The following PCNX1 variants were observed in gnomAD, a reference collection of about 807,000 sequenced individuals.
PCNX1 encodes pecanex 1.
A neutral mutation model predicts 242.2 loss-of-function variants in PCNX1; 78 were observed. That is an observed-to-expected ratio of 0.32 (90% confidence interval 0.27 to 0.39). The LOEUF is 0.39. Ranked by LOEUF, PCNX1 falls within the 10% of genes least tolerant of loss-of-function variation. PCNX1 has a pLI of 1.00. For missense variants in PCNX1, 2,581 were observed against 2,856.5 expected, an observed-to-expected ratio of 0.90 and a Z score of 2.20; for synonymous variants, 1,024 against 1,032.9, an observed-to-expected ratio of 0.99 and a Z score of 0.17.
intron 26 of PCNX1, among the ~76,000 whole-genome samples, chr14:71,070,074 AC>A (rs1164762418): frequency 2.0e-5 from 3 of 152,208 alleles, no homozygotes; most frequent in Non-Finnish European, 2.9e-5. Flanking sequence ...CAACATCTTC[AC>A]TTAGGAGTCA....
At chr14:70,910,928 A>C (rs542946960) in intron 1 of PCNX1, among the ~76,000 whole-genome samples, 1 of 152,322 alleles carries the variant, frequency 6.6e-6, no homozygotes, top group Admixed American at 6.5e-5. Context: ...GTAAGTAAAG[A>C]GGGACCCTGA....
At chr14:70,912,907 T>C (rs2055987621) in intron 1 of PCNX1, among the ~76,000 whole-genome samples, 1 of 152,210 alleles carries the variant, frequency 6.6e-6, no homozygotes, top group African/African-American at 2.4e-5. Flanking sequence ...CTCTTCCTTC[T>C]TGCTCTTTGC....
chr14:71,042,967 A>G (rs1471050734), intron 19 of PCNX1, among the ~76,000 whole-genome samples: 1 of 150,690 alleles, frequency 6.6e-6, no homozygotes, highest in Non-Finnish European at 1.5e-5. Flanking sequence ...GGACTCAATA[A>G]TTTCTTGTAG....
At chr14:71,036,022 A>G (rs2060521632) in intron 18 of PCNX1, 43 bp from the exon 19 acceptor site, 1 of 1,343,568 alleles carries the variant, frequency 7.4e-7, no homozygotes, top group South Asian at 1.3e-5. Flanking sequence ...AGATTTTTAA[A>G]AATTTTATGT....
chr14:71,026,401 G>A, intron 14 of PCNX1, 113 bp downstream of exon 14: 1 of 625,438 alleles, frequency 1.6e-6, no homozygotes, highest in African/African-American at 1.9e-5. Flanking sequence ...TTATTTTACT[G>A]TTATTATGTG....
intron 22 of PCNX1, 102 bp downstream of exon 22, chr14:71,048,086 TTAAG>T (rs1330215786): frequency 1.6e-5 from 12 of 756,428 alleles, no homozygotes; most frequent in African/African-American, 3.5e-5. Flanking sequence ...TTATTATTGT[TTAAG>T]TAATAACTCT....
At chr14:70,939,955 GT>G (rs891525316) in intron 1 of PCNX1, among the ~76,000 whole-genome samples, 1 of 151,082 alleles carries the variant, frequency 6.6e-6, no homozygotes. Flanking sequence ...TTGCAACCTT[GT>G]TTTTTTTGTT....
chr14:70,987,641 C>T (rs1434439998), intron 6 of PCNX1, among the ~76,000 whole-genome samples: 2 of 152,136 alleles, frequency 1.3e-5, no homozygotes. Flanking sequence ...TTAGATCACA[C>T]AGTTGTTTTG....
chr14:71,105,670 G>A (rs1022780344), intron 33 of PCNX1, among the ~76,000 whole-genome samples: 1 of 151,448 alleles, frequency 6.6e-6, no homozygotes, highest in Non-Finnish European at 1.5e-5. Context: ...AGCCTCCTGA[G>A]TAGCTGGGAC....
At chr14:70,958,251 T>A (rs2058065967) in intron 2 of PCNX1, among the ~76,000 whole-genome samples, 1 of 152,206 alleles carries the variant, frequency 6.6e-6, no homozygotes, top group Non-Finnish European at 1.5e-5. Context: ...TTTTCTTTGT[T>A]GAACCTTAGT....
intron 1 of PCNX1, 62 bp downstream of exon 1, chr14:70,908,065 G>T: frequency 6.8e-7 from 1 of 1,464,414 alleles, no homozygotes; most frequent in Non-Finnish European, 9.1e-7. Context: ...AGATGCTGGG[G>T]TCGCGCCCTC....
At chr14:70,939,036 C>G (rs910178932) in intron 1 of PCNX1, among the ~76,000 whole-genome samples, 1 of 152,122 alleles carries the variant, frequency 6.6e-6, no homozygotes, top group African/African-American at 2.4e-5. Context: ...CTTTATTAGT[C>G]TTGCTAGTGG....
rs761591359 is a variant in PCNX1, at chr14:70,995,824, G to A, written c.2528G>A (p.Ser843Asn). The A allele has an allele frequency of 6.2e-7, 1 of 1,614,008 alleles. No individual in the cohort carries two copies. Among genetic ancestry groups the A allele is most frequent in the Non-Finnish European group, 8.5e-7 (1 of 1,179,898 alleles). ...CCCCCTTCCCAGGCTGCAGTGCTCA[G>A]TGCTAGTGCCTCCTTGCTGGTGAGA... Reference protein sequence around the residue: ...SRPPSQAAVLSASASLLVRNG... With the variant: ...SRPPSQAAVLNASASLLVRNG... Residue 843 changes from serine to asparagine, a missense_variant, in exon 8 of 36, where the codon AGT (serine) becomes AAT (asparagine). By Grantham distance (46) the Ser-to-Asn change is conservative. Around this residue, in one of 9 missense-constraint regions of PCNX1, gnomAD observed 1,204 missense variants for 1,216.7 expected, o/e 0.99. Transcript: ENST00000304743.
chr14:70,945,927 C>G (rs1264333393), intron 1 of PCNX1, among the ~76,000 whole-genome samples: 1 of 152,170 alleles, frequency 6.6e-6, no homozygotes, highest in Admixed American at 6.5e-5. Context: ...CTATAGATGT[C>G]TGGGTGATTT....
chr14:71,068,322 C>T (rs2061497510), intron 26 of PCNX1, among the ~76,000 whole-genome samples: 2 of 151,174 alleles, frequency 1.3e-5, no homozygotes, highest in South Asian at 4.2e-4. Flanking sequence ...CAGAGTGAGA[C>T]TCCATCTCAA....
intron 8 of PCNX1, among the ~76,000 whole-genome samples, chr14:71,006,092 CGTGTGTGTGTCTGTGT>C (rs1252642031): frequency 4.9e-4 from 63 of 129,318 alleles, no homozygotes; most frequent in Middle Eastern, 4.6e-3. Context: ...CCAGCTAGTA[CGTGTGTGTGTCTGTGT>C]GTGTGTGTGT....
intron 2 of PCNX1, among the ~76,000 whole-genome samples, chr14:70,955,845 A>G (rs2057971882): frequency 6.6e-6 from 1 of 152,118 alleles, no homozygotes; most frequent in Admixed American, 6.6e-5. Context: ...AGAAGTGCAG[A>G]AATTTTACTA....
chr14:71,084,823 C>T (rs543543668), intron 28 of PCNX1, among the ~76,000 whole-genome samples: 3 of 152,286 alleles, frequency 2.0e-5, no homozygotes, highest in African/African-American at 7.2e-5. Context: ...CACTTGGCTC[C>T]CTGGCTTCAG....
At position 70,971,115 on chromosome 14, in the gene PCNX1, G is replaced by GTT. The variant is rs1046870052; in HGVS notation, c.604+2044_604+2045dup. Among the ~76,000 whole-genome samples the GTT allele has an allele frequency of 1.2e-3, 17 of 14,510 alleles. 8 individuals carry two copies. Among genetic ancestry groups the GTT allele is most frequent in the East Asian group, 4.4e-3 (2 of 450 alleles). The allele number at this position is 14,510 out of a possible 152,430, so 9.5% of individuals were successfully genotyped here. On this transcript the variant is annotated intron_variant, in intron 5 of 35. Transcript: ENST00000304743. The stretch of plus-strand genomic sequence containing the variant: ...AATCTATGCTATACTACTTTATATA[G>GTT]TTTTTTTTTTTTTTTTTTTTTTTTT...
Sources: allele counts gnomAD v4.1 joint callset (sites outside exome capture counted in the v4.1 genomes callset), GRCh38; gene constraint gnomAD v4.1.1; regional missense constraint gnomAD v4.1.1; transcripts MANE v1.5; gene names NCBI Gene and HGNC (gene_info 2026-07-23, HGNC 2026-07-21).